Variants in AP1B1 observed in about 807,000 individuals in gnomAD.
The protein encoded by AP1B1 is adaptor related protein complex 1 subunit beta 1, also known as AP-1 complex subunit beta-1.
A neutral mutation model predicts 104.3 loss-of-function variants in AP1B1; 36 were observed. The ratio of observed to expected loss-of-function variants is 0.35; its 90% confidence interval spans 0.26 to 0.46. The LOEUF is 0.46. Among genes scored for constraint, AP1B1 ranks in the 20% least tolerant of loss-of-function variants. AP1B1 has a pLI of 1.00. For missense variants in AP1B1, 901 were observed against 1,247.9 expected, an observed-to-expected ratio of 0.72 and a Z score of 4.19; for synonymous variants, 504 against 517.5, an observed-to-expected ratio of 0.97 and a Z score of 0.35.
chr22:29,362,082 A>G (rs1400053461), intron 3 of AP1B1, among the ~76,000 whole-genome samples: 5 of 151,916 alleles, frequency 3.3e-5, no homozygotes, highest in African/African-American at 7.3e-5. Flanking sequence ...GTGAGCCACC[A>G]CATCCGGCCT....
At chr22:29,386,947 G>C (rs1034662196) in intron 1 of AP1B1, among the ~76,000 whole-genome samples, 1 of 152,214 alleles carries the variant, frequency 6.6e-6, no homozygotes, top group South Asian at 2.1e-4. Context: ...ATATTTCTCA[G>C]AAAGGCAAAG....
intron 6 of AP1B1, among the ~76,000 whole-genome samples, chr22:29,355,682 T>C (rs2061945570): frequency 6.6e-6 from 1 of 151,542 alleles, no homozygotes; most frequent in Non-Finnish European, 1.5e-5. Context: ...GATTGCTTGA[T>C]CCCAGGAGTT....
chr22:29,354,927 T>G, intron 6 of AP1B1, 56 bp from the exon 7 acceptor site: 17 of 1,506,686 alleles, frequency 1.1e-5, no homozygotes, highest in Non-Finnish European at 1.6e-5. Flanking sequence ...AAACATTCTG[T>G]TTTTAGTTAC....
At chr22:29,381,053 C>T (rs2062429190) in intron 1 of AP1B1, among the ~76,000 whole-genome samples, 1 of 152,204 alleles carries the variant, frequency 6.6e-6, no homozygotes, top group South Asian at 2.1e-4. Context: ...GATCCTCGAA[C>T]ACAACATGCA....
Position 29,353,096 on chromosome 22 carries a change from T to C in AP1B1, c.939-1271A>G, listed in dbSNP as rs571661855. 1.1e-4 allele frequency among the ~76,000 whole-genome samples: 16 copies of C among 152,324 alleles called. No homozygotes were observed. The South Asian group carries it at 3.1e-3, about 30-fold the overall frequency. On this transcript the variant is annotated intron_variant, in intron 7 of 22. Coordinates refer to ENST00000357586, the MANE Select transcript of AP1B1 (RefSeq NM_001127.4). ...GGCTGGTACTAGGTCACATGGCTAA[T>C]GTCAGTAAAGACGAGAGTGGGGCGA...
intron 16 of AP1B1, among the ~76,000 whole-genome samples, chr22:29,337,766 G>T (rs930498908): frequency 6.6e-6 from 1 of 152,082 alleles, no homozygotes; most frequent in African/African-American, 2.4e-5. Context: ...TCCCTCCCAG[G>T]GAGCTCTCAA....
intron 4 of AP1B1, among the ~76,000 whole-genome samples, chr22:29,359,429 A>G (rs2062009992): frequency 6.6e-6 from 1 of 152,236 alleles, no homozygotes; most frequent in African/African-American, 2.4e-5. Context: ...ATTAGGAGAA[A>G]ATAAAATTAA....
chr22:29,354,727 G>A lies in AP1B1; in HGVS notation c.861C>T (p.Pro287=), dbSNP rs768700963. Residue 287 remains proline (P), a synonymous_variant, in exon 7 of 23, where the codon CCC becomes CCT. Transcript: ENST00000357586. ...GCTCGGCTGACAGCAGTGTGACCAG[G>A]GGTGGGGCCAGCTTCTTGAGCAGTG... is the stretch of plus-strand genomic sequence containing the variant. ...YGTLLKKLAP[P]LVTLLSAEPE... The A allele has an allele frequency of 1.2e-6, 2 of 1,614,060 alleles. No homozygotes were observed. The highest frequency in any genetic ancestry group is 4.5e-5 in the East Asian group (2 of 44,872).
chr22:29,333,507 G>A (rs1353720324), intron 17 of AP1B1, among the ~76,000 whole-genome samples: 1 of 152,160 alleles, frequency 6.6e-6, no homozygotes, highest in African/African-American at 2.4e-5. Flanking sequence ...CTTCTCAGCT[G>A]GAGCAGGGCG....
chr22:29,348,528 G>T (rs990346101), intron 11 of AP1B1, among the ~76,000 whole-genome samples: 7 of 152,218 alleles, frequency 4.6e-5, no homozygotes. Flanking sequence ...CAATGTCAAT[G>T]AATTGACAAT....
chr22:29,335,815 C>T lies in AP1B1; in HGVS notation c.2164-1405G>A, dbSNP rs144553960. Among the ~76,000 whole-genome samples, 3 of 152,316 alleles carry T rather than the reference C, an allele frequency of 2.0e-5. No homozygotes were observed. In the East Asian group the frequency reaches 5.8e-4, roughly 29 times the overall value. ...CCCACCCCCATCCTGCTCGGTTAAC[C>T]CTGAGCACGCCCCCGGACAGATCTG... is the stretch of plus-strand genomic sequence containing the variant. On this transcript the variant is annotated intron_variant, in intron 16 of 22. Coordinates refer to ENST00000357586, the MANE Select transcript of AP1B1 (RefSeq NM_001127.4).
At chr22:29,367,082 A>G (rs2062154630) in intron 2 of AP1B1, 125 bp downstream of exon 2, 1 of 846,974 alleles carries the variant, frequency 1.2e-6, no homozygotes, top group African/African-American at 1.7e-5. Context: ...CACAAGCTCT[A>G]GGCCATTCCT....
rs537706062 is a variant in AP1B1, at chr22:29,334,311, C to T, written c.2263G>A (p.Ala755Thr). 4 of 1,610,284 alleles carry T rather than the reference C, an allele frequency of 2.5e-6. No homozygotes were observed. In the Admixed American group the frequency reaches 6.8e-5, roughly 27 times the overall value. Reference sequence around the variant, plus strand: ...GCAAAGTCGGTCATGACCTGCAAGGCCTTGTTGGTCAGCTGCAGGTCCATG... The same window carrying T: ...GCAAAGTCGGTCATGACCTGCAAGGTCTTGTTGGTCAGCTGCAGGTCCATG... Reference protein sequence around the residue: ...ISMDLQLTNKALQVMTDFAIQ... With the variant: ...ISMDLQLTNKTLQVMTDFAIQ... Residue 755 changes from alanine to threonine, a missense_variant, in exon 17 of 23, where the codon GCC becomes ACC. Coordinates refer to ENST00000357586, the MANE Select transcript of AP1B1 (RefSeq NM_001127.4).
intron 4 of AP1B1, among the ~76,000 whole-genome samples, chr22:29,359,355 C>T (rs894912080): frequency 1.3e-5 from 2 of 152,168 alleles, no homozygotes; most frequent in Non-Finnish European, 2.9e-5. Flanking sequence ...TCCCCATATC[C>T]GAGCACGGAC....
At chr22:29,361,096 T>C (rs1299795380) in intron 3 of AP1B1, among the ~76,000 whole-genome samples, 1 of 152,244 alleles carries the variant, frequency 6.6e-6, no homozygotes, top group Non-Finnish European at 1.5e-5. Flanking sequence ...AGAACAAAGA[T>C]GTTTCTCCTC....
chr22:29,364,064 C>A (rs1256097237), intron 2 of AP1B1, among the ~76,000 whole-genome samples: 1 of 152,218 alleles, frequency 6.6e-6, no homozygotes, highest in East Asian at 1.9e-4. Context: ...CCTCACTCAA[C>A]AAAAGACCCT....
intron 16 of AP1B1, among the ~76,000 whole-genome samples, chr22:29,338,620 AT>A (rs2061670526): frequency 6.6e-6 from 1 of 152,234 alleles, no homozygotes. Flanking sequence ...TAAAATGTCT[AT>A]GATGACTAAG....
intron 1 of AP1B1, among the ~76,000 whole-genome samples, chr22:29,372,790 A>G (rs1456423675): frequency 1.3e-5 from 2 of 152,212 alleles, no homozygotes; most frequent in Admixed American, 6.5e-5. Flanking sequence ...TTTTAAGCTA[A>G]TAAAATGAAT....
intron 11 of AP1B1, among the ~76,000 whole-genome samples, chr22:29,347,356 A>AC (rs1195488193): frequency 2.0e-5 from 3 of 152,218 alleles, no homozygotes; most frequent in African/African-American, 7.2e-5. Flanking sequence ...TACACAAAGC[A>AC]CCCTAATTTA....
Sources: gnomAD v4.1 joint callset for allele counts (sites outside exome capture counted in the v4.1 genomes callset) on GRCh38, gnomAD v4.1.1 for gene constraint, MANE v1.5 for transcripts, NCBI Gene and HGNC (gene_info 2026-07-23, HGNC 2026-07-21) for gene names.